Variants in SOX5 observed in about 807,000 individuals in gnomAD.
The protein encoded by SOX5 is SRY-box transcription factor 5.
A neutral mutation model predicts 92.0 loss-of-function variants in SOX5; 9 were observed. The observed-to-expected ratio is 0.10, with a 90% confidence interval of 0.06 to 0.17. The LOEUF is 0.17. Ranked by LOEUF, SOX5 falls within the 10% of genes least tolerant of loss-of-function variation. The probability of loss-of-function intolerance (pLI) is 1.00; values close to 1 mark genes in which losing one functional copy is unlikely to be tolerated. For missense variants in SOX5, 642 were observed against 944.5 expected (o/e 0.68, Z 4.20); for synonymous variants, 344 against 336.3 (o/e 1.02, Z -0.25).
chr12:23,713,486 A>C (rs1024497453), intron 6 of SOX5, among the ~76,000 whole-genome samples: 13 of 152,136 alleles, frequency 8.5e-5, no homozygotes, highest in African/African-American at 2.9e-4. Flanking sequence ...AATTTCCTGC[A>C]GTTCTGGATG....
intron 4 of SOX5, among the ~76,000 whole-genome samples, chr12:24,016,594 C>T (rs968432656): frequency 2.0e-5 from 3 of 152,070 alleles, no homozygotes; most frequent in African/African-American, 7.2e-5. Flanking sequence ...GCTCTAATGA[C>T]TTTGGAGGAA....
chr12:23,663,555 T>C lies in SOX5; in HGVS notation c.931+1889A>G, dbSNP rs145178016. On this transcript the variant is annotated intron_variant, in intron 7 of 14. Transcript: ENST00000451604. Reference sequence around the variant, plus strand: ...GCAGTTGCTTTAAAAAACTTTTTTGTTTTATTGAAAATATAACTAGTCTAT... The same window carrying C: ...GCAGTTGCTTTAAAAAACTTTTTTGCTTTATTGAAAATATAACTAGTCTAT... Among the ~76,000 whole-genome samples the C allele has an allele frequency of 1.2e-3, 181 of 152,266 alleles. 1 individual carries two copies. Among genetic ancestry groups the C allele is most frequent in the African/African-American group, 3.9e-3 (164 of 41,574 alleles).
intron 4 of SOX5, among the ~76,000 whole-genome samples, chr12:24,019,152 A>T (rs1954009365): frequency 6.6e-6 from 1 of 152,068 alleles, no homozygotes; most frequent in South Asian, 2.1e-4. Context: ...TAGAAAAAAA[A>T]TGTTGTACAG....
intron 1 of SOX5, among the ~76,000 whole-genome samples, chr12:24,510,518 TAACCAG>T (rs1193315771): frequency 6.6e-6 from 1 of 152,072 alleles, no homozygotes; most frequent in Non-Finnish European, 1.5e-5. Flanking sequence ...AAGAAGAGAA[TAACCAG>T]ACAGGAAGTA....
At chr12:23,588,671 T>C (rs539692273) in intron 9 of SOX5, among the ~76,000 whole-genome samples, 1 of 151,780 alleles carries the variant, frequency 6.6e-6, no homozygotes, top group South Asian at 2.1e-4. Flanking sequence ...GTCCATCACA[T>C]TGCCAGATAA....
chr12:24,315,487 G>C (rs778080723), intron 2 of SOX5, among the ~76,000 whole-genome samples: 39 of 152,162 alleles, frequency 2.6e-4, no homozygotes, highest in Admixed American at 5.2e-4. Context: ...AAGCATATTT[G>C]TAAGGTTTTT....
chr12:24,281,461 A>C (rs1359654737), intron 2 of SOX5, among the ~76,000 whole-genome samples: 2 of 152,206 alleles, frequency 1.3e-5, no homozygotes, highest in Non-Finnish European at 2.9e-5. Flanking sequence ...TTAAGCTAAA[A>C]AGGTCACCAT....
intron 2 of SOX5, among the ~76,000 whole-genome samples, chr12:23,872,196 T>C (rs1359815906): frequency 8.2e-6 from 1 of 121,356 alleles, no homozygotes; most frequent in Non-Finnish European, 1.7e-5. Flanking sequence ...TTTTTTTTAG[T>C]AGAGAAGGGG....
At chr12:24,459,152 A>G (rs572689679) in intron 1 of SOX5, among the ~76,000 whole-genome samples, 135 of 152,302 alleles carry the variant, frequency 8.9e-4, no homozygotes, top group African/African-American at 3.2e-3. Context: ...TTACAGAAAT[A>G]TATGCCCCAC....
intron 3 of SOX5, among the ~76,000 whole-genome samples, chr12:24,272,312 G>A (rs938872250): frequency 4.6e-5 from 7 of 151,974 alleles, no homozygotes; most frequent in South Asian, 2.1e-4. Flanking sequence ...AACTCATATC[G>A]TGTGCCAATA....
At chr12:24,009,176 T>C (rs928189288) in intron 4 of SOX5, among the ~76,000 whole-genome samples, 11 of 152,240 alleles carry the variant, frequency 7.2e-5, no homozygotes, top group African/African-American at 2.7e-4. Context: ...TGCTGTGATC[T>C]GACTACAACT....
rs576197612 is a variant in SOX5, at chr12:24,207,314, T to C, written c.-2+6029A>G. ...CATGACTCTATAGATGGATGGGATC[T>C]AAATCAATCAATATTTTTCCTATAA... On this transcript the variant is annotated intron_variant, in intron 4 of 4. Transcript: ENST00000446891. Among the ~76,000 whole-genome samples the C allele has an allele frequency of 2.0e-5, 3 of 152,306 alleles. No individual in the cohort carries two copies. The South Asian group carries it at 6.2e-4, about 32-fold the overall frequency.
intron 4 of SOX5, among the ~76,000 whole-genome samples, chr12:24,083,286 C>G (rs1943583296): frequency 6.6e-6 from 1 of 152,008 alleles, no homozygotes; most frequent in Non-Finnish European, 1.5e-5. Context: ...ACTATTTCAT[C>G]AGTTATTATG....
At chr12:24,056,422 C>T (rs1302154122) in intron 4 of SOX5, among the ~76,000 whole-genome samples, 2 of 152,148 alleles carry the variant, frequency 1.3e-5, no homozygotes, top group Non-Finnish European at 2.9e-5. Context: ...AAAAGTCAGA[C>T]TATAGTTTTC....
chr12:23,787,792 TG>T (rs1247166519), intron 3 of SOX5, among the ~76,000 whole-genome samples: 1 of 151,924 alleles, frequency 6.6e-6, no homozygotes, highest in Non-Finnish European at 1.5e-5. Context: ...TGATGTTAGT[TG>T]TAAAGTAAAA....
intron 4 of SOX5, among the ~76,000 whole-genome samples, chr12:24,116,473 T>C (rs558366025): frequency 6.6e-6 from 1 of 152,312 alleles, no homozygotes; most frequent in East Asian, 1.9e-4. Flanking sequence ...ATTTCTAAAT[T>C]CTTTTTTTTC....
intron 2 of SOX5, among the ~76,000 whole-genome samples, chr12:24,344,712 G>A (rs1284857122): frequency 4.6e-5 from 7 of 152,216 alleles, no homozygotes; most frequent in Admixed American, 2.6e-4. Context: ...GCACGCCAAT[G>A]TGCTCTGAAT....
intron 2 of SOX5, among the ~76,000 whole-genome samples, chr12:24,283,128 C>A (rs1252092981): frequency 6.6e-6 from 1 of 152,186 alleles, no homozygotes; most frequent in East Asian, 1.9e-4. Context: ...ACTTTGTGAT[C>A]CCATCTTGAT....
intron 2 of SOX5, among the ~76,000 whole-genome samples, chr12:24,279,081 T>C (rs909689837): frequency 2.6e-5 from 4 of 152,078 alleles, no homozygotes; most frequent in African/African-American, 9.7e-5. Flanking sequence ...CATGAAAAAC[T>C]TGAATTAAAA....
Sources: gnomAD v4.1 joint callset for allele counts (sites outside exome capture counted in the v4.1 genomes callset) on GRCh38, gnomAD v4.1.1 for gene constraint, MANE v1.5 for transcripts, NCBI Gene and HGNC (gene_info 2026-07-23, HGNC 2026-07-21) for gene names.